NBEA: variants seen among roughly 807,000 people sequenced by gnomAD.
NBEA encodes lysosomal-trafficking regulator 2.
A neutral mutation model predicts 343.4 loss-of-function variants in NBEA; 44 were observed. The observed-to-expected ratio is 0.13, with a 90% CI of 0.10 to 0.16. The LOEUF is 0.16. Ranked by LOEUF, NBEA falls within the 10% of genes least tolerant of loss-of-function variation. The probability of loss-of-function intolerance (pLI) is 1.00; values close to 1 mark genes in which losing one functional copy is unlikely to be tolerated. For synonymous variants in NBEA, 1,175 were observed against 1,238.7 expected (o/e 0.95, Z 1.08); for missense variants, 2,555 against 3,631.3 (o/e 0.70, Z 7.62).
chr13:35,246,326 G>C (rs889047325), intron 34 of NBEA, among the ~76,000 whole-genome samples: 24 of 152,108 alleles, frequency 1.6e-4, no homozygotes, highest in Admixed American at 3.9e-4. Flanking sequence ...TTGGTAGTAA[G>C]CTACTGTGAT....
chr13:35,283,355 C>G (rs1386327714), intron 34 of NBEA, among the ~76,000 whole-genome samples: 1 of 152,042 alleles, frequency 6.6e-6, no homozygotes, highest in Admixed American at 6.6e-5. Context: ...AACTTTGTTT[C>G]TGAGCAATCT....
In NBEA at chr13:34,943,161, C is replaced by T. The variant is rs201655673; in HGVS notation, c.294+47C>T. On this transcript the variant is annotated intron_variant, in intron 1 of 58. Transcript: ENST00000379939. ...AATCTGCTTCCCCAGTCCCCACATA[C>T]ACCGTCCCCAGCGCCTTTCCCTCCC... is the stretch of plus-strand genomic sequence containing the variant. The T allele has an allele frequency of 6.2e-6, 10 of 1,601,344 alleles. No individual in the cohort carries two copies. In the East Asian group the frequency reaches 2.3e-4, roughly 36 times the overall value.
At chr13:35,459,759 G>A (rs948425622) in intron 40 of NBEA, among the ~76,000 whole-genome samples, 15 of 152,130 alleles carry the variant, frequency 9.9e-5, no homozygotes, top group Admixed American at 1.3e-4. Context: ...GTGGGAAGAC[G>A]AAAGAATTCA....
intron 38 of NBEA, among the ~76,000 whole-genome samples, chr13:35,378,566 G>A (rs2041859199): frequency 6.6e-6 from 1 of 151,944 alleles, no homozygotes; most frequent in Non-Finnish European, 1.5e-5. Context: ...CAAGTTGATG[G>A]ATTTGAATTT....
chr13:35,087,599 G>T (rs779545843), intron 10 of NBEA, among the ~76,000 whole-genome samples: 1 of 151,624 alleles, frequency 6.6e-6, no homozygotes. Context: ...TTCAATAGTA[G>T]GCAAGGAATT....
At chr13:34,997,445 A>C (rs1346094062) in intron 1 of NBEA, among the ~76,000 whole-genome samples, 2 of 152,190 alleles carry the variant, frequency 1.3e-5, no homozygotes, top group South Asian at 2.1e-4. Flanking sequence ...ATTATTTCCC[A>C]AAATGGTAAT....
intron 13 of NBEA, among the ~76,000 whole-genome samples, chr13:35,113,740 G>T (rs2066352039): frequency 6.6e-6 from 1 of 152,158 alleles, no homozygotes. Context: ...GGCTTACGGA[G>T]CCATAAGGTC....
In NBEA at chr13:35,203,996, T is replaced by G. The variant is rs532734142; in HGVS notation, c.5367-4704T>G. ...AGGAATATGTAGAATAGAGCAGGGG[T>G]CCCCACCCCTGGGCCATGGACTGGT... On this transcript the variant is annotated intron_variant, in intron 31 of 58. Transcript: ENST00000379939. 7.4e-4 allele frequency among the ~76,000 whole-genome samples: 112 copies of G among 152,150 alleles called. 3 individuals are homozygous for G. In the South Asian group the frequency reaches 0.023, roughly 31 times the overall value.
chr13:35,234,905 C>T (rs1438344825), intron 34 of NBEA, among the ~76,000 whole-genome samples: 1 of 152,172 alleles, frequency 6.6e-6, no homozygotes, highest in African/African-American at 2.4e-5. Context: ...ATTAGCATTA[C>T]TATTAATGCA....
intron 38 of NBEA, among the ~76,000 whole-genome samples, chr13:35,389,464 C>G (rs1053202261): frequency 1.3e-5 from 2 of 151,962 alleles, no homozygotes; most frequent in Non-Finnish European, 2.9e-5. Flanking sequence ...AGATGTCTCT[C>G]TATTTCTTAC....
chr13:35,564,284 ATATGT>A (rs1485822398), intron 44 of NBEA, among the ~76,000 whole-genome samples: 2 of 152,008 alleles, frequency 1.3e-5, no homozygotes, highest in African/African-American at 4.8e-5. Context: ...TTTAAGTAAT[ATATGT>A]TATATCTAGA....
intron 34 of NBEA, among the ~76,000 whole-genome samples, chr13:35,237,180 G>T (rs938605597): frequency 6.6e-6 from 1 of 152,020 alleles, no homozygotes; most frequent in Admixed American, 6.6e-5. Context: ...TTGCTTGAGT[G>T]GGAGATTGAG....
At chr13:35,244,017 A>T (rs9600380) in intron 34 of NBEA, among the ~76,000 whole-genome samples, 9,992 of 151,958 alleles carry the variant, frequency 0.066, 330 homozygotes, top group African/African-American at 0.083. Context: ...GTCTTAATAC[A>T]TTAAGACCAT....
intron 45 of NBEA, among the ~76,000 whole-genome samples, chr13:35,572,121 C>A (rs1230059491): frequency 6.6e-6 from 1 of 152,142 alleles, no homozygotes; most frequent in African/African-American, 2.4e-5. Context: ...CACCAACCAA[C>A]AGTAGGTTTA....
intron 40 of NBEA, among the ~76,000 whole-genome samples, chr13:35,463,910 T>C (rs972553139): frequency 1.3e-5 from 2 of 152,000 alleles, no homozygotes; most frequent in African/African-American, 4.8e-5. Flanking sequence ...GAAAGATATA[T>C]TTCCAGAAAC....
intron 1 of NBEA, among the ~76,000 whole-genome samples, chr13:34,992,428 G>T (rs938727018): frequency 2.7e-5 from 4 of 149,838 alleles, no homozygotes; most frequent in Middle Eastern, 3.2e-3. Flanking sequence ...CTACTTTTTT[G>T]TATTTTTAGG....
intron 38 of NBEA, among the ~76,000 whole-genome samples, chr13:35,423,342 G>C (rs2044424294): frequency 6.6e-6 from 1 of 152,102 alleles, no homozygotes; most frequent in African/African-American, 2.4e-5. Flanking sequence ...TGTAAGGAAG[G>C]GATCCAGTTT....
At chr13:35,525,431 T>C (rs1440612179) in intron 41 of NBEA, among the ~76,000 whole-genome samples, 2 of 152,054 alleles carry the variant, frequency 1.3e-5, no homozygotes, top group Admixed American at 6.6e-5. Flanking sequence ...CGCATGCCTG[T>C]AATCTCAGCT....
At chr13:35,132,120 A>G (rs1387333098) in intron 17 of NBEA, among the ~76,000 whole-genome samples, 1 of 152,166 alleles carries the variant, frequency 6.6e-6, no homozygotes. Flanking sequence ...TAGCATGTTC[A>G]TAGCCAGACT....
Sources: allele counts gnomAD v4.1 joint callset (sites outside exome capture counted in the v4.1 genomes callset), GRCh38; gene constraint gnomAD v4.1.1; transcripts MANE v1.5; gene names NCBI Gene and HGNC (gene_info 2026-07-23, HGNC 2026-07-21).